The following NRXN1 variants were observed in gnomAD, a reference collection of about 807,000 sequenced individuals.
The protein encoded by NRXN1 is neurexin 1.
Under a neutral mutation model 150.9 loss-of-function variants are expected in NRXN1, and 39 were observed. That is an observed-to-expected ratio of 0.26 (90% CI 0.20 to 0.34). The LOEUF (loss-of-function observed/expected upper bound fraction) is 0.34, where lower values mean the gene tolerates loss of function less well. Ranked by LOEUF, NRXN1 falls within the 10% of genes least tolerant of loss-of-function variation. NRXN1 has a pLI of 1.00. For synonymous variants in NRXN1, 924 were observed against 757.0 expected (o/e 1.22, Z -3.62); for missense variants, 1,815 against 1,949.9 (o/e 0.93, Z 1.30).
chr2:50,153,743 G>T (rs975508696), intron 18 of NRXN1, among the ~76,000 whole-genome samples: 2 of 151,922 alleles, frequency 1.3e-5, no homozygotes, highest in East Asian at 3.9e-4. Context: ...GTGTGGGAAA[G>T]TTACCAGGCC....
At chr2:50,489,956 T>G (rs944208516) in intron 15 of NRXN1, among the ~76,000 whole-genome samples, 1 of 152,142 alleles carries the variant, frequency 6.6e-6, no homozygotes, top group Non-Finnish European at 1.5e-5. Flanking sequence ...TAAAACACAC[T>G]GACAAAGGCT....
chr2:50,472,649 AC>A (rs1353932489), intron 15 of NRXN1, among the ~76,000 whole-genome samples, 178 bp from the exon 16 acceptor site: 1 of 149,154 alleles, frequency 6.7e-6, no homozygotes, highest in African/African-American at 2.6e-5. Flanking sequence ...ATATACTGGC[AC>A]TAGGAGACAT....
At chr2:50,170,766 T>C (rs917244527) in intron 18 of NRXN1, among the ~76,000 whole-genome samples, 35 of 151,300 alleles carry the variant, frequency 2.3e-4, no homozygotes, top group African/African-American at 8.0e-4. Context: ...CGTGTGTGTG[T>C]GTGTGTGTGT....
chr2:50,073,682 ACTCT>A (rs1246617922), intron 19 of NRXN1, among the ~76,000 whole-genome samples: 1 of 151,840 alleles, frequency 6.6e-6, no homozygotes, highest in Admixed American at 6.6e-5. Context: ...TGACATAATG[ACTCT>A]CTGCTAATCA....
At chr2:50,286,355 G>A (rs12473102) in intron 17 of NRXN1, among the ~76,000 whole-genome samples, 10,427 of 151,884 alleles carry the variant, frequency 0.069, 475 homozygotes, top group Middle Eastern at 0.13. Flanking sequence ...AACTTTTTTC[G>A]AATCAACATA....
At chr2:50,155,497 T>C (rs2058962760) in intron 18 of NRXN1, among the ~76,000 whole-genome samples, 1 of 151,422 alleles carries the variant, frequency 6.6e-6, no homozygotes, top group African/African-American at 2.4e-5. Flanking sequence ...AATGTATACA[T>C]GAAGTTCAAA....
At chr2:50,662,325 T>C (rs1294407426) in intron 5 of NRXN1, among the ~76,000 whole-genome samples, 3 of 152,000 alleles carry the variant, frequency 2.0e-5, no homozygotes, top group Non-Finnish European at 4.4e-5. Flanking sequence ...GCTCAACACA[T>C]ACCCCCATTA....
intron 5 of NRXN1, among the ~76,000 whole-genome samples, chr2:50,864,682 A>G (rs147489036): frequency 1.2e-3 from 187 of 152,140 alleles, no homozygotes; most frequent in African/African-American, 4.2e-3. Context: ...TGCTGTGTGT[A>G]CTGATTTTTA....
chr2:51,029,689 C>A (rs1245255714), intron 1 of NRXN1, among the ~76,000 whole-genome samples: 2 of 152,106 alleles, frequency 1.3e-5, no homozygotes, highest in African/African-American at 4.8e-5. Flanking sequence ...TTTTATTTTT[C>A]TTAGAAGGAA....
At chr2:50,766,302 G>A (rs528550826) in intron 5 of NRXN1, among the ~76,000 whole-genome samples, 1 of 152,014 alleles carries the variant, frequency 6.6e-6, no homozygotes, top group African/African-American at 2.4e-5. Context: ...GGTGGGAGTG[G>A]AAAAACTGAT....
At chr2:50,126,505 A>T (rs1704611050) in intron 18 of NRXN1, among the ~76,000 whole-genome samples, 1 of 152,028 alleles carries the variant, frequency 6.6e-6, no homozygotes, top group Non-Finnish European at 1.5e-5. Context: ...ACAAAAAAAA[A>T]TTTAAAAAAG....
At chr2:50,367,811 T>C (rs973696312) in intron 17 of NRXN1, among the ~76,000 whole-genome samples, 1 of 152,064 alleles carries the variant, frequency 6.6e-6, no homozygotes, top group African/African-American at 2.4e-5. Flanking sequence ...TACCACCTAT[T>C]TGGCAAATGC....
chr2:50,389,295 GTCT>G (rs2081533168), intron 17 of NRXN1, among the ~76,000 whole-genome samples: 1 of 149,184 alleles, frequency 6.7e-6, no homozygotes, highest in African/African-American at 2.5e-5. Flanking sequence ...TCTAGTATCA[GTCT>G]TCTTTATTCC....
At chr2:49,937,267 C>T (rs536375069) in intron 22 of NRXN1, among the ~76,000 whole-genome samples, 1 of 152,204 alleles carries the variant, frequency 6.6e-6, no homozygotes, top group African/African-American at 2.4e-5. Flanking sequence ...ATCCATCCAT[C>T]CCAGCACTTA....
At chr2:50,228,832 C>T (rs1415263812) in intron 18 of NRXN1, among the ~76,000 whole-genome samples, 1 of 151,966 alleles carries the variant, frequency 6.6e-6, no homozygotes, top group African/African-American at 2.4e-5. Context: ...GCAGTGTGAT[C>T]TTCCAGGGCA....
intron 5 of NRXN1, among the ~76,000 whole-genome samples, chr2:50,816,431 C>G (rs1325044258): frequency 2.0e-5 from 3 of 151,918 alleles, no homozygotes; most frequent in African/African-American, 7.3e-5. Context: ...ACCCAGAAAA[C>G]AAATAGCTAA....
intron 17 of NRXN1, among the ~76,000 whole-genome samples, chr2:50,349,283 C>A (rs1259393589): frequency 6.6e-6 from 1 of 152,194 alleles, no homozygotes; most frequent in African/African-American, 2.4e-5. Context: ...CGAAGGCCAG[C>A]AGACGCAAAA....
At chr2:49,951,514 T>C (rs2104457341) in intron 21 of NRXN1, among the ~76,000 whole-genome samples, 1 of 152,062 alleles carries the variant, frequency 6.6e-6, no homozygotes, top group East Asian at 1.9e-4. Context: ...AATTTGAGAA[T>C]GTCAGACCTC....
intron 21 of NRXN1, among the ~76,000 whole-genome samples, chr2:50,030,724 A>G (rs1446573071): frequency 6.6e-6 from 1 of 152,142 alleles, no homozygotes; most frequent in Non-Finnish European, 1.5e-5. Context: ...TATGGCTTAG[A>G]TATTGGTTTG....
Sources: allele counts gnomAD v4.1 joint callset (sites outside exome capture counted in the v4.1 genomes callset), GRCh38; gene constraint gnomAD v4.1.1; transcripts MANE v1.5; gene names NCBI Gene and HGNC (gene_info 2026-07-23, HGNC 2026-07-21).